RAP1A: variants seen among roughly 807,000 people sequenced by gnomAD.
RAP1A encodes the protein RAP1A, member of RAS oncogene family.
RAP1A carries 6 observed loss-of-function variants against 26.4 expected under a neutral mutation model. The ratio of observed to expected loss-of-function variants is 0.23; its 90% CI spans 0.12 to 0.45. The LOEUF (loss-of-function observed/expected upper bound fraction) is 0.45. Ranked by LOEUF, RAP1A falls within the 20% of genes least tolerant of loss-of-function variation. The pLI is 0.99. For synonymous variants in RAP1A, 73 were observed against 79.4 expected (o/e 0.92, Z 0.43); for missense variants, 121 against 217.2 (o/e 0.56, Z 2.78).
intron 1 of RAP1A, among the ~76,000 whole-genome samples, chr1:111,566,563 A>G (rs779651073): frequency 3.9e-5 from 6 of 152,162 alleles, no homozygotes; most frequent in Non-Finnish European, 8.8e-5. Context: ...AAGAAACATC[A>G]CCTGGAATTT....
At chr1:111,571,769 C>T (rs1658053042) in intron 1 of RAP1A, among the ~76,000 whole-genome samples, 1 of 152,172 alleles carries the variant, frequency 6.6e-6, no homozygotes, top group African/African-American at 2.4e-5. Context: ...TGGGACAGGT[C>T]ATTCTGCTAG....
chr1:111,624,090 T>C (rs1659314975), intron 1 of RAP1A, among the ~76,000 whole-genome samples: 1 of 152,252 alleles, frequency 6.6e-6, no homozygotes, highest in African/African-American at 2.4e-5. Context: ...TACTCGTTTA[T>C]AATGTCCCTT....
At chr1:111,625,127 AG>A (rs1281595446) in intron 1 of RAP1A, among the ~76,000 whole-genome samples, 1 of 152,226 alleles carries the variant, frequency 6.6e-6, no homozygotes, top group Non-Finnish European at 1.5e-5. Context: ...AAACTAAAAA[AG>A]CTAATAAAAG....
rs187987742 is a variant in RAP1A at position 111,545,217 on chromosome 1, A to G, written c.-28+2708A>G. 6.6e-5 allele frequency among the ~76,000 whole-genome samples: 10 copies of G among 152,244 alleles called. No homozygotes were observed. The East Asian group carries it at 1.9e-3, about 29-fold the overall frequency. ...GAGCTACCAAACTGTTTTCCATAGC[A>G]GCTGCACCATTTCATTCCCACCGGC... On this transcript the variant is annotated intron_variant, in intron 1 of 7. Transcript: ENST00000356415.
chr1:111,674,234 G>T (rs1255265900), intron 1 of RAP1A, among the ~76,000 whole-genome samples: 2 of 151,860 alleles, frequency 1.3e-5, no homozygotes, highest in African/African-American at 4.8e-5. Flanking sequence ...ATCCTTTTAC[G>T]TGAAATATAT....
At chr1:111,638,683 C>T (rs919711451) in intron 1 of RAP1A, among the ~76,000 whole-genome samples, 3 of 152,120 alleles carry the variant, frequency 2.0e-5, no homozygotes, top group Non-Finnish European at 2.9e-5. Context: ...ACCTTTGCCC[C>T]CCAAAGTTCT....
intron 1 of RAP1A, among the ~76,000 whole-genome samples, chr1:111,561,633 G>C (rs142583090): frequency 6.6e-6 from 1 of 152,048 alleles, no homozygotes; most frequent in Admixed American, 6.5e-5. Context: ...TTCAATCATA[G>C]GCCATTACTC....
At chr1:111,694,148 A>G (rs1048157170) in intron 2 of RAP1A, among the ~76,000 whole-genome samples, 14 of 152,152 alleles carry the variant, frequency 9.2e-5, no homozygotes, top group African/African-American at 2.9e-4. Flanking sequence ...TTGGCCTCCT[A>G]AAGTGCTAGG....
chr1:111,562,149 G>A (rs1460192040), intron 1 of RAP1A, among the ~76,000 whole-genome samples: 1 of 151,980 alleles, frequency 6.6e-6, no homozygotes, highest in African/African-American at 2.4e-5. Flanking sequence ...TTTCTTGTGG[G>A]CAACGTGGAC....
chr1:111,665,376 A>G (rs924095697), intron 1 of RAP1A, among the ~76,000 whole-genome samples: 2 of 152,178 alleles, frequency 1.3e-5, no homozygotes, highest in Admixed American at 1.3e-4. Context: ...ACCTCTATTT[A>G]TGGAAATGTA....
At chr1:111,669,946 TGAAAG>T (rs941656121) in intron 1 of RAP1A, among the ~76,000 whole-genome samples, 2 of 152,142 alleles carry the variant, frequency 1.3e-5, no homozygotes, top group Non-Finnish European at 2.9e-5. Context: ...GCTGACTTAT[TGAAAG>T]GAAAGTAGAA....
chr1:111,632,853 A>C (rs1201127605), intron 1 of RAP1A, among the ~76,000 whole-genome samples: 1 of 145,828 alleles, frequency 6.9e-6, no homozygotes, highest in Non-Finnish European at 1.5e-5. Context: ...CCTGGGAGGC[A>C]GAGGTTGTGG....
intron 1 of RAP1A, among the ~76,000 whole-genome samples, chr1:111,656,704 A>G (rs866541858): frequency 2.0e-5 from 3 of 151,856 alleles, no homozygotes; most frequent in Admixed American, 6.6e-5. Flanking sequence ...CCAAGAAACT[A>G]TATACATGGT....
chr1:111,703,515 C>G (rs761245221), intron 5 of RAP1A, 39 bp downstream of exon 5: 1 of 1,461,638 alleles, frequency 6.8e-7, no homozygotes, highest in Non-Finnish European at 9.2e-7. Context: ...TATGCCATCT[C>G]TCTGTGGCCA....
intron 1 of RAP1A, among the ~76,000 whole-genome samples, chr1:111,568,921 TCTTC>T (rs1657982190): frequency 6.6e-6 from 1 of 152,220 alleles, no homozygotes; most frequent in Non-Finnish European, 1.5e-5. Flanking sequence ...ATACATTTTC[TCTTC>T]CTTATGATTT....
rs1213750682 is a variant in RAP1A at position 111,583,501 on chromosome 1, G to A, written c.-28+40992G>A. The stretch of plus-strand genomic sequence containing the variant: ...AAAAAAATACAGTCAGTTTAAGCAC[G>A]ATGTATCATTTTCAGGTCACGAGTT... On this transcript the variant is annotated intron_variant, in intron 1 of 7. Transcript: ENST00000356415. Among the ~76,000 whole-genome samples the A allele has an allele frequency of 6.6e-5, 10 of 151,420 alleles. No homozygotes were observed. The East Asian group carries it at 9.7e-4, about 15-fold the overall frequency.
intron 1 of RAP1A, among the ~76,000 whole-genome samples, chr1:111,686,387 AT>A (rs1450863623): frequency 9.2e-5 from 14 of 152,116 alleles, no homozygotes; most frequent in Admixed American, 9.2e-4. Context: ...GCCTTACTTA[AT>A]GGCCTCTTTC....
intron 1 of RAP1A, among the ~76,000 whole-genome samples, chr1:111,613,531 C>T (rs1658963074): frequency 6.6e-6 from 1 of 152,136 alleles, no homozygotes; most frequent in Non-Finnish European, 1.5e-5. Flanking sequence ...GAAGTGTTCT[C>T]TTTGTTAAAT....
chr1:111,676,519 T>C (rs1661130027), intron 1 of RAP1A, among the ~76,000 whole-genome samples: 1 of 152,000 alleles, frequency 6.6e-6, no homozygotes, highest in Non-Finnish European at 1.5e-5. Flanking sequence ...CTGAGAAATT[T>C]CTCTCTTTCC....
Sources: gnomAD v4.1 joint callset for allele counts (sites outside exome capture counted in the v4.1 genomes callset) on GRCh38, gnomAD v4.1.1 for gene constraint, MANE v1.5 for transcripts, NCBI Gene and HGNC (gene_info 2026-07-23, HGNC 2026-07-21) for gene names.